The following PRDX4 variants were observed in gnomAD, a reference collection of about 807,000 sequenced individuals.
The protein encoded by PRDX4 is peroxiredoxin 4, also known as peroxiredoxin-4.
A neutral mutation model predicts 20.5 loss-of-function variants in PRDX4; 12 were observed. The observed-to-expected ratio is 0.58, with a 90% confidence interval of 0.37 to 0.95. The LOEUF is 0.95. Among genes scored for constraint, PRDX4 ranks in the 40% least tolerant of loss-of-function variants. The probability of loss-of-function intolerance (pLI) is 0.01; values close to 1 mark genes in which losing one functional copy is unlikely to be tolerated. For synonymous variants in PRDX4, 99 were observed against 87.5 expected, an observed-to-expected ratio of 1.13 and a Z score of -0.73; for missense variants, 180 against 207.3, an observed-to-expected ratio of 0.87 and a Z score of 0.81.
chrX:23,684,587 G>A (rs191981132), intron 6 of PRDX4, among the ~76,000 whole-genome samples: 208 of 110,101 alleles, frequency 1.9e-3, no homozygotes, highest in Non-Finnish European at 2.5e-3. Flanking sequence ...TGCAACCTCC[G>A]CCTCCAGGGT....
chrX:23,667,508 G>A lies in PRDX4; in HGVS notation c.-63G>A. The stretch of plus-strand genomic sequence containing the variant: ...CGCGGGCGTCGTGCACGCGGTTGTA[G>A]CTGCCCGGCGGCGGCAGAAGCGGCG... On this transcript the variant is annotated 5_prime_UTR_variant, in exon 1 of 7. Coordinates refer to ENST00000379341, the MANE Select transcript of PRDX4 (RefSeq NM_006406.2). 1 of 1,122,890 alleles carries A rather than the reference G, an allele frequency of 8.9e-7. No homozygotes were observed. The highest frequency in any genetic ancestry group is 1.2e-6 in the Non-Finnish European group (1 of 854,847). The allele number at this position is 1,122,890 out of a possible 1,213,427, so 92.5% of individuals were successfully genotyped here.
In PRDX4 at chrX:23,683,541, G is replaced by A. The variant is rs1039546791; in HGVS notation, c.731-130G>A. 1.6e-5 allele frequency: 9 copies of A among 569,353 alleles called. No homozygotes were observed. In the Admixed American group the frequency reaches 2.8e-4, roughly 17 times the overall value. The allele number at this position is 569,353 out of a possible 1,213,427, so 46.9% of individuals were successfully genotyped here. On this transcript the variant is annotated intron_variant, in intron 5 of 6. Coordinates refer to ENST00000379341, the MANE Select transcript of PRDX4 (RefSeq NM_006406.2). ...AACAGGCAGCTAATAGAAGTCATGT[G>A]CTCGGTGGTCTGGAAATGTTCTTAT...
chrX:23,668,577 C>T (rs1398640167), intron 1 of PRDX4, among the ~76,000 whole-genome samples: 3 of 112,552 alleles, frequency 2.7e-5, no homozygotes, highest in Non-Finnish European at 5.6e-5. Context: ...AAAGTTGTAG[C>T]CTGCTACATC....
intron 6 of PRDX4, among the ~76,000 whole-genome samples, chrX:23,685,810 GT>G (rs752773243): frequency 1.2e-4 from 12 of 100,776 alleles, no homozygotes; most frequent in African/African-American, 2.5e-4. Context: ...TTGAGTTTGG[GT>G]TTTTTTTTTG....
At chrX:23,667,917 C>T (rs965171752) in intron 1 of PRDX4, 106 bp downstream of exon 1, 1 of 1,108,575 alleles carries the variant, frequency 9.0e-7, no homozygotes. Flanking sequence ...GGGCTGCCTC[C>T]GGGCCCTGGG....
chrX:23,673,687 C>T (rs1332327833), intron 2 of PRDX4, among the ~76,000 whole-genome samples: 3 of 108,480 alleles, frequency 2.8e-5, no homozygotes, highest in East Asian at 2.9e-4. Context: ...ACCCGGGAGG[C>T]GGAGGTTGCA....
intron 1 of PRDX4, among the ~76,000 whole-genome samples, chrX:23,671,171 A>G (rs906926380): frequency 8.9e-6 from 1 of 112,329 alleles, no homozygotes; most frequent in Non-Finnish European, 1.9e-5. Context: ...TTTTCTTGCT[A>G]CATATGGTTA....
chrX:23,682,332 T>C (rs1018495838), intron 4 of PRDX4, 64 bp from the exon 5 acceptor site: 33 of 941,513 alleles, frequency 3.5e-5, no homozygotes, highest in Non-Finnish European at 4.4e-5. Flanking sequence ...GTGGATGGTA[T>C]AGGAATTCAC....
chrX:23,670,689 G>T (rs1303917064), intron 1 of PRDX4, among the ~76,000 whole-genome samples: 2 of 112,339 alleles, frequency 1.8e-5, no homozygotes, highest in Non-Finnish European at 3.8e-5. Flanking sequence ...TTACAAGAGA[G>T]CAGCATGAAC....
chrX:23,675,540 A>G lies in PRDX4; in HGVS notation c.476+434A>G, dbSNP rs757630765. 11 of 123,148 alleles carry G rather than the reference A, an allele frequency of 8.9e-5. No homozygotes were observed. The South Asian group carries it at 3.5e-3, about 39-fold the overall frequency. 10.1% of individuals were successfully genotyped at this position (123,148 alleles called of 1,213,427 possible). A position where few individuals can be genotyped will look rare whatever the true frequency, so the allele number is the denominator to read the frequency against. ...AATACTTTTTAAAAATGAATTTTAA[A>G]AAATGTTTAAAAATTCATTAATCAT... On this transcript the variant is annotated intron_variant, in intron 3 of 6. Transcript: ENST00000379341.
chrX:23,678,069 C>T (rs903334164), intron 3 of PRDX4, among the ~76,000 whole-genome samples: 21 of 110,530 alleles, frequency 1.9e-4, no homozygotes, highest in African/African-American at 6.9e-4. Context: ...GTGTTTGAGA[C>T]CAGCCTGGCC....
At chrX:23,681,500 A>G (rs1055345953) in intron 4 of PRDX4, among the ~76,000 whole-genome samples, 1 of 111,966 alleles carries the variant, frequency 8.9e-6, no homozygotes, top group Admixed American at 9.5e-5. Flanking sequence ...CACGCAGCAT[A>G]ATGTTCTCAA....
Position 23,667,671 on chromosome X carries a change from C to T in PRDX4, c.101C>T (p.Ala34Val). 1 of 1,209,861 alleles carries T rather than the reference C, an allele frequency of 8.3e-7. No homozygotes were observed. Reference sequence around the variant, plus strand: ...CTGCTGTTCCTGCTGCCGGCTGGAGCTGTGCAGGGCTGGGAGACAGAGGAG... The same window carrying T: ...CTGCTGTTCCTGCTGCCGGCTGGAGTTGTGCAGGGCTGGGAGACAGAGGAG... The part of the protein sequence containing the change: ...PLLLFLLPAG[A>V]VQGWETEERP... The change falls in exon 1 of 7, where the codon GCT (alanine) becomes GTT (valine). Residue 34 changes from alanine (A) to valine (V), a missense_variant. Physicochemically the swap from Ala to Val is moderately conservative, Grantham distance 64. Transcript: ENST00000379341.
Position 23,667,493 on chromosome X carries a change from G to T in PRDX4, c.-78G>T. ...CCGCGCCCCGGTTCGCGCGGGCGTC[G>T]TGCACGCGGTTGTAGCTGCCCGGCG... is the stretch of plus-strand genomic sequence containing the variant. On this transcript the variant is annotated 5_prime_UTR_variant, in exon 1 of 7. Transcript: ENST00000379341. 1.8e-6 allele frequency: 2 copies of T among 1,094,697 alleles called. No individual in the cohort carries two copies. Among genetic ancestry groups the T allele is most frequent in the South Asian group, 2.3e-5 (1 of 43,272 alleles). The allele number at this position is 1,094,697 out of a possible 1,213,427, so 90.2% of individuals were successfully genotyped here.
At chrX:23,683,853 G>A (rs1296423712) in intron 6 of PRDX4, 148 bp downstream of exon 6, 24 of 357,038 alleles carry the variant, frequency 6.7e-5, no homozygotes, top group African/African-American at 6.5e-4. Context: ...GACCATCCTG[G>A]CTAACATGGT....
intron 2 of PRDX4, among the ~76,000 whole-genome samples, chrX:23,673,688 G>A (rs980696844): frequency 3.6e-5 from 4 of 109,616 alleles, no homozygotes; most frequent in African/African-American, 1.3e-4. Context: ...CCCGGGAGGC[G>A]GAGGTTGCAG....
At chrX:23,682,279 T>G in intron 4 of PRDX4, 117 bp from the exon 5 acceptor site, 2 of 361,075 alleles carry the variant, frequency 5.5e-6, no homozygotes, top group East Asian at 7.1e-5. Flanking sequence ...ACCATTGGAG[T>G]AGGTAGGTAG....
chrX:23,679,748 G>T (rs1928027792), intron 4 of PRDX4, among the ~76,000 whole-genome samples: 1 of 110,529 alleles, frequency 9.0e-6, no homozygotes, highest in African/African-American at 3.3e-5. Context: ...GGAGGCCGAG[G>T]GGGGCAGATC....
At chrX:23,683,827 G>A (rs1417721256) in intron 6 of PRDX4, 122 bp downstream of exon 6, 6 of 456,038 alleles carry the variant, frequency 1.3e-5, no homozygotes, top group Admixed American at 3.9e-5. Flanking sequence ...GGCAGATCAC[G>A]AGGTCAGGAG....
Sources: gnomAD v4.1 joint callset for allele counts (sites outside exome capture counted in the v4.1 genomes callset) on GRCh38, gnomAD v4.1.1 for gene constraint, MANE v1.5 for transcripts, NCBI Gene and HGNC (gene_info 2026-07-23, HGNC 2026-07-21) for gene names.